The following GAREM1 variants were observed in gnomAD, a reference collection of about 807,000 sequenced individuals.
GAREM1 encodes the protein GRB2-associated and regulator of MAPK protein 1.
Under a neutral mutation model 71.3 loss-of-function variants are expected in GAREM1, and 26 were observed. The ratio of observed to expected loss-of-function variants is 0.36; its 90% CI spans 0.27 to 0.51. The LOEUF (loss-of-function observed/expected upper bound fraction) is 0.51. GAREM1 is among the 20% of genes least tolerant of loss of function. GAREM1 has a pLI of 0.95. For missense variants in GAREM1, 1,026 were observed against 1,103.1 expected (o/e 0.93, Z 0.99); for synonymous variants, 440 against 433.2 (o/e 1.02, Z -0.20).
chr18:32,413,070 T>C, intron 1 of GAREM1: 1 of 1,548,384 alleles, frequency 6.5e-7, no homozygotes, highest in Non-Finnish European at 8.9e-7. Flanking sequence ...CGTTCCCCAT[T>C]GCTCAAAATG....
intron 1 of GAREM1, among the ~76,000 whole-genome samples, chr18:32,450,465 A>G (rs1031904856): frequency 2.0e-5 from 3 of 152,230 alleles, no homozygotes; most frequent in African/African-American, 7.2e-5. Context: ...TGTAACCACA[A>G]GCATTAACCT....
intron 2 of GAREM1, among the ~76,000 whole-genome samples, chr18:32,345,988 G>A (rs946518003): frequency 3.9e-5 from 6 of 152,074 alleles, no homozygotes; most frequent in African/African-American, 1.4e-4. Flanking sequence ...GACGAGCTAA[G>A]GTCTAGAATT....
chr18:32,351,859 C>T (rs2047756638), intron 2 of GAREM1, among the ~76,000 whole-genome samples: 1 of 152,064 alleles, frequency 6.6e-6, no homozygotes, highest in African/African-American at 2.4e-5. Context: ...TTATTAGTTT[C>T]CATGCCATAG....
intron 1 of GAREM1, among the ~76,000 whole-genome samples, chr18:32,451,468 G>A (rs947006446): frequency 6.6e-6 from 1 of 152,096 alleles, no homozygotes; most frequent in Admixed American, 6.6e-5. Flanking sequence ...CTCTATCTCT[G>A]ATAAGGGCAT....
intron 4 of GAREM1, among the ~76,000 whole-genome samples, chr18:32,279,121 C>T (rs1353220647): frequency 2.6e-5 from 4 of 152,136 alleles, no homozygotes; most frequent in Non-Finnish European, 5.9e-5. Context: ...AAGGAGTGTA[C>T]GTGATAAATA....
intron 1 of GAREM1, among the ~76,000 whole-genome samples, chr18:32,406,889 A>G (rs1277837875): frequency 6.6e-6 from 1 of 152,226 alleles, no homozygotes; most frequent in Non-Finnish European, 1.5e-5. Context: ...CAATCAAATA[A>G]AACTATCTGA....
chr18:32,343,524 C>A (rs1407811969), intron 2 of GAREM1, among the ~76,000 whole-genome samples: 2 of 152,050 alleles, frequency 1.3e-5, no homozygotes, highest in African/African-American at 4.8e-5. Context: ...CGGTCTTGAA[C>A]TCCTAGCCTC....
intron 2 of GAREM1, among the ~76,000 whole-genome samples, chr18:32,311,315 A>G (rs1486198775): frequency 6.6e-6 from 1 of 152,206 alleles, no homozygotes; most frequent in African/African-American, 2.4e-5. Context: ...AAAATCTCTC[A>G]GGCAGAAATA....
At chr18:32,271,741 T>C (rs1393734826) in intron 4 of GAREM1, among the ~76,000 whole-genome samples, 2 of 152,210 alleles carry the variant, frequency 1.3e-5, no homozygotes, top group Non-Finnish European at 2.9e-5. Context: ...GTCTTCACAC[T>C]GGAGAGGATC....
intron 1 of GAREM1, among the ~76,000 whole-genome samples, chr18:32,433,517 T>C (rs2048644509): frequency 6.6e-6 from 1 of 151,790 alleles, no homozygotes; most frequent in Non-Finnish European, 1.5e-5. Context: ...TTATATAAAA[T>C]TGTCCCCATT....
chr18:32,320,968 T>C (rs965924313), intron 2 of GAREM1, among the ~76,000 whole-genome samples: 3 of 152,164 alleles, frequency 2.0e-5, no homozygotes, highest in African/African-American at 7.2e-5. Context: ...CCTTGAAATC[T>C]CTTAGTCCAG....
At position 32,455,604 on chromosome 18, in the gene GAREM1, T is replaced by C. The variant is rs1399873476; in HGVS notation, c.121+14704A>G. Among the ~76,000 whole-genome samples the C allele has an allele frequency of 2.6e-5, 4 of 152,266 alleles. No individual in the cohort carries two copies. In the South Asian group the frequency reaches 6.2e-4, roughly 24 times the overall value. On this transcript the variant is annotated intron_variant, in intron 1 of 5. Coordinates refer to ENST00000269209, the MANE Select transcript of GAREM1 (RefSeq NM_001242409.2). ...CTTAACTGCCAAAGCATCTGGACTA[T>C]CCTTCTAGAAGGCATTTAACAAGCT... is the stretch of plus-strand genomic sequence containing the variant.
At chr18:32,339,524 C>T (rs117070269) in intron 2 of GAREM1, among the ~76,000 whole-genome samples, 1 of 152,268 alleles carries the variant, frequency 6.6e-6, no homozygotes, top group East Asian at 1.9e-4. Flanking sequence ...TGGGTTTGGG[C>T]TGGACCTATG....
At chr18:32,353,081 ATAAG>A (rs1309277279) in intron 2 of GAREM1, among the ~76,000 whole-genome samples, 8 of 152,350 alleles carry the variant, frequency 5.3e-5, no homozygotes, top group Admixed American at 3.9e-4. Flanking sequence ...ACGTTAACAG[ATAAG>A]TAAGTTATGT....
intron 2 of GAREM1, among the ~76,000 whole-genome samples, chr18:32,365,575 G>A (rs2047922321): frequency 6.6e-6 from 1 of 152,060 alleles, no homozygotes; most frequent in African/African-American, 2.4e-5. Context: ...GAGGAGGAAG[G>A]GTTGGCCAAA....
intron 1 of GAREM1, among the ~76,000 whole-genome samples, chr18:32,447,116 G>C (rs1029596227): frequency 1.3e-5 from 2 of 152,200 alleles, no homozygotes; most frequent in Non-Finnish European, 2.9e-5. Flanking sequence ...ACAAACAGCA[G>C]TTACAACCCT....
chr18:32,431,468 A>G (rs1019186794), intron 1 of GAREM1, among the ~76,000 whole-genome samples: 4 of 152,140 alleles, frequency 2.6e-5, no homozygotes, highest in Non-Finnish European at 4.4e-5. Context: ...TCTCTACTAA[A>G]AACACAAAAA....
intron 1 of GAREM1, among the ~76,000 whole-genome samples, chr18:32,425,148 A>T (rs10438935): frequency 0.22 from 32,951 of 152,088 alleles, 4,214 homozygotes; most frequent in East Asian, 0.39. Context: ...CCACTATAAA[A>T]GTGCTTAGTA....
intron 1 of GAREM1, among the ~76,000 whole-genome samples, chr18:32,441,934 A>G (rs2048742027): frequency 6.6e-6 from 1 of 152,134 alleles, no homozygotes; most frequent in Non-Finnish European, 1.5e-5. Context: ...TACCCCCACA[A>G]TACAACACCG....
Sources: allele counts gnomAD v4.1 joint callset (sites outside exome capture counted in the v4.1 genomes callset), GRCh38; gene constraint gnomAD v4.1.1; transcripts MANE v1.5; gene names NCBI Gene and HGNC (gene_info 2026-07-23, HGNC 2026-07-21).